Variants in PCDHGA6 observed in about 807,000 individuals in gnomAD.
PCDHGA6 encodes protocadherin gamma subfamily A, 6, also known as protocadherin gamma-A6.
Under a neutral mutation model 60.6 loss-of-function variants are expected in PCDHGA6, and 41 were observed. The ratio of observed to expected loss-of-function variants is 0.68; its 90% CI spans 0.53 to 0.88. The LOEUF (loss-of-function observed/expected upper bound fraction) is 0.88. PCDHGA6 is among the 40% of genes least tolerant of loss of function. PCDHGA6 has a pLI of 0.00. For missense variants in PCDHGA6, 1,312 were observed against 1,203.0 expected, an observed-to-expected ratio of 1.09 and a Z score of -1.34; for synonymous variants, 594 against 524.4, an observed-to-expected ratio of 1.13 and a Z score of -1.81.
rs1446012115 is a variant in PCDHGA6 at position 141,374,202 on chromosome 5, A to T, written c.119A>T (p.Glu40Val). 5 of 1,613,868 alleles carry T rather than the reference A, an allele frequency of 3.1e-6. No homozygotes were observed. The highest frequency in any genetic ancestry group is 4.2e-6 in the Non-Finnish European group (5 of 1,179,888). ...CGCTACTCTATTCCCGAGGAGCTGG[A>T]GAAAGGCTCCTTCGTAGGCAACATC... ...QIRYSIPEELEKGSFVGNIVK... is the reference protein window; with the variant it reads ...QIRYSIPEELVKGSFVGNIVK... Residue 40 changes from glutamate (E) to valine (V), a missense_variant, in exon 1 of 4, where the codon GAG becomes GTG. Coordinates refer to ENST00000517434, the MANE Select transcript of PCDHGA6 (RefSeq NM_018919.3).
At chr5:141,474,323 C>T (rs1176074252) in intron 1 of PCDHGA6, among the ~76,000 whole-genome samples, 2 of 152,186 alleles carry the variant, frequency 1.3e-5, no homozygotes, top group Non-Finnish European at 2.9e-5. Context: ...GTTTTCAAAT[C>T]ACCCTGATGT....
intron 1 of PCDHGA6, among the ~76,000 whole-genome samples, chr5:141,402,737 G>T (rs948478466): frequency 3.9e-5 from 6 of 152,276 alleles, no homozygotes; most frequent in East Asian, 1.9e-4. Context: ...CGCCGCTGTT[G>T]ATCAACTCTA....
At chr5:141,418,829 C>T in intron 1 of PCDHGA6, 1 of 1,613,856 alleles carries the variant, frequency 6.2e-7, no homozygotes, top group Non-Finnish European at 8.5e-7. Flanking sequence ...AGCAAAAGAC[C>T]GAGGATCTCT....
At chr5:141,458,132 G>C (rs2098938269) in intron 1 of PCDHGA6, among the ~76,000 whole-genome samples, 1 of 152,218 alleles carries the variant, frequency 6.6e-6, no homozygotes, top group South Asian at 2.1e-4. Flanking sequence ...GAACCAGGCA[G>C]AGAAAAATGA....
At chr5:141,451,503 A>G (rs1395798374) in intron 1 of PCDHGA6, among the ~76,000 whole-genome samples, 1 of 152,234 alleles carries the variant, frequency 6.6e-6, no homozygotes, top group African/African-American at 2.4e-5. Flanking sequence ...TAGGGCAACC[A>G]GCTTCTGTTA....
chr5:141,492,072 C>G (rs2099736816), intron 1 of PCDHGA6: 2 of 480,040 alleles, frequency 4.2e-6, no homozygotes, highest in East Asian at 3.3e-5. Context: ...TCCTAGGCGC[C>G]GGCTCCGGCA....
At chr5:141,478,449 C>A in intron 1 of PCDHGA6, 1 of 1,613,540 alleles carries the variant, frequency 6.2e-7, no homozygotes. Context: ...AAACCTGGTG[C>A]AGCCAGTCCA....
At chr5:141,407,738 A>G (rs928743977) in intron 1 of PCDHGA6, among the ~76,000 whole-genome samples, 3 of 152,046 alleles carry the variant, frequency 2.0e-5, no homozygotes, top group Admixed American at 2.0e-4. Context: ...CACTATATAT[A>G]CTCCCTACTG....
chr5:141,489,597 A>T lies in PCDHGA6; in HGVS notation c.2425-5210A>T. The T allele has an allele frequency of 6.2e-7, 1 of 1,614,100 alleles. No individual in the cohort carries two copies. Among genetic ancestry groups the T allele is most frequent in the African/African-American group, 1.3e-5 (1 of 75,040 alleles). ...AACACCCCCTGGAGCTAATCCGTGT[A>T]GAGGTAGAGATCCTGGATCTCAATG... On this transcript the variant is annotated intron_variant, in intron 1 of 3. Transcript: ENST00000517434. The surrounding 1 kb of genome is among the most constrained non-coding windows in gnomAD (Gnocchi z 4.5).
intron 1 of PCDHGA6, among the ~76,000 whole-genome samples, chr5:141,435,286 A>G (rs1179151461): frequency 6.6e-6 from 1 of 152,194 alleles, no homozygotes; most frequent in Non-Finnish European, 1.5e-5. Context: ...CAGTATCCCA[A>G]GTCATTTCAT....
At chr5:141,505,532 G>A in intron 3 of PCDHGA6, 51 bp downstream of exon 3, 2 of 1,611,270 alleles carry the variant, frequency 1.2e-6, no homozygotes, top group Non-Finnish European at 1.7e-6. Context: ...GGGGTTCTGG[G>A]GTGCATCTCA....
At chr5:141,457,784 T>G (rs1021614051) in intron 1 of PCDHGA6, among the ~76,000 whole-genome samples, 1 of 152,210 alleles carries the variant, frequency 6.6e-6, no homozygotes, top group Non-Finnish European at 1.5e-5. Flanking sequence ...TACCTGTGAG[T>G]TGGGTTATCC....
At chr5:141,403,773 AC>A (rs2094454199) in intron 1 of PCDHGA6, 1 of 1,613,838 alleles carries the variant, frequency 6.2e-7, no homozygotes, top group South Asian at 1.1e-5. Flanking sequence ...GAGGGAATCA[AC>A]GGAAAAGTGG....
At chr5:141,430,888 T>C (rs1447560622) in intron 1 of PCDHGA6, 5 of 1,605,402 alleles carry the variant, frequency 3.1e-6, no homozygotes, top group Admixed American at 1.7e-5. Context: ...AGAAAGGCTC[T>C]AGGGTGGGCG....
rs2097368013 is a variant in PCDHGA6 at position 141,431,382 on chromosome 5, A to G, written c.2424+54875A>G. 6 of 1,613,756 alleles carry G rather than the reference A, an allele frequency of 3.7e-6. No homozygotes were observed. In the East Asian group the frequency reaches 1.1e-4, roughly 30 times the overall value. On this transcript the variant is annotated intron_variant, in intron 1 of 3. Transcript: ENST00000517434. This position sits in a 1 kb window ranked among gnomAD's most constrained non-coding sequence, Gnocchi z 4.8. ...CTGGACCGCGAAGAAAAGGCTGCTC[A>G]CCACCTGGTCCTTACGGCCTCCGAC... is the stretch of plus-strand genomic sequence containing the variant.
At chr5:141,501,333 A>C (rs200092587) in intron 2 of PCDHGA6, among the ~76,000 whole-genome samples, 397 of 140,104 alleles carry the variant, frequency 2.8e-3, no homozygotes, top group Non-Finnish European at 2.6e-3. Flanking sequence ...ACACACACAC[A>C]CCCCAAACTC....
chr5:141,405,331 C>G (rs1561699778), intron 1 of PCDHGA6: 1 of 1,614,186 alleles, frequency 6.2e-7, no homozygotes, highest in Non-Finnish European at 8.5e-7. Flanking sequence ...CTTTGTGCGT[C>G]TCTGTTGATT....
At chr5:141,471,965 G>A (rs919560714) in intron 1 of PCDHGA6, among the ~76,000 whole-genome samples, 4 of 152,160 alleles carry the variant, frequency 2.6e-5, no homozygotes, top group Non-Finnish European at 4.4e-5. Context: ...GGGGTTGGTT[G>A]CATTACTGTA....
In PCDHGA6 at chr5:141,384,747, CTT is replaced by C. The variant is rs1040265836; in HGVS notation, c.2424+8242_2424+8243del. Reference sequence around the variant, plus strand: ...TGCTTAAGGCCAGCGAGCCAGGACTCTTTGCGGTTGGGCTGTACACGGGCGAG... The same window carrying C: ...TGCTTAAGGCCAGCGAGCCAGGACTCTGCGGTTGGGCTGTACACGGGCGAG... On this transcript the variant is annotated intron_variant, in intron 1 of 3. Coordinates refer to ENST00000517434, the MANE Select transcript of PCDHGA6 (RefSeq NM_018919.3). 2.2e-5 allele frequency: 35 copies of C among 1,614,060 alleles called. No individual in the cohort carries two copies. In the Admixed American group the frequency reaches 3.5e-4, roughly 16 times the overall value.
Sources: allele counts gnomAD v4.1 joint callset (sites outside exome capture counted in the v4.1 genomes callset), GRCh38; gene constraint gnomAD v4.1.1; non-coding constraint Gnocchi (gnomAD v3.1); transcripts MANE v1.5; gene names NCBI Gene and HGNC (gene_info 2026-07-23, HGNC 2026-07-21).